The following CYRIB variants were observed in gnomAD, a reference collection of about 807,000 sequenced individuals.
CYRIB encodes the protein CYFIP-related Rac1 interactor B.
In CYRIB, 8 loss-of-function variants were observed where a neutral mutation model predicts 44.2. The observed-to-expected ratio is 0.18, with a 90% CI of 0.11 to 0.33. The LOEUF is 0.33. Among genes scored for constraint, CYRIB ranks in the 10% least tolerant of loss-of-function variants. The pLI is 1.00. For missense variants in CYRIB, 185 were observed against 382.8 expected (o/e 0.48, Z 4.31); for synonymous variants, 131 against 127.2 (o/e 1.03, Z -0.20).
At chr8:129,953,459 T>C (rs941341047) in intron 2 of CYRIB, among the ~76,000 whole-genome samples, 1 of 152,174 alleles carries the variant, frequency 6.6e-6, no homozygotes, top group African/African-American at 2.4e-5. Flanking sequence ...GCATTTGCCA[T>C]TTTGAGCAAA....
At chr8:129,865,092 A>G (rs904351581) in intron 4 of CYRIB, 2 of 154,976 alleles carry the variant, frequency 1.3e-5, no homozygotes, top group Admixed American at 6.5e-5. Context: ...AATATCTAAT[A>G]AACAATTTAG....
intron 1 of CYRIB, among the ~76,000 whole-genome samples, chr8:129,974,085 C>G (rs1010595134): frequency 6.6e-6 from 1 of 152,186 alleles, no homozygotes; most frequent in African/African-American, 2.4e-5. Context: ...CACAGGGCAG[C>G]CTGTCTGAGG....
chr8:129,942,324 C>T (rs1409759758), upstream of CYRIB, among the ~76,000 whole-genome samples: 5 of 152,048 alleles, frequency 3.3e-5, no homozygotes, highest in Non-Finnish European at 2.9e-5. Flanking sequence ...GGATGACGAG[C>T]GAAACACGTC....
intron 3 of CYRIB, among the ~76,000 whole-genome samples, chr8:129,876,282 GT>G (rs2059103251): frequency 6.6e-6 from 1 of 151,952 alleles, no homozygotes. Context: ...AGGTGAAAGG[GT>G]CACTTCAGCC....
chr8:129,924,789 G>A (rs2086449420), intron 1 of CYRIB, among the ~76,000 whole-genome samples: 1 of 151,738 alleles, frequency 6.6e-6, no homozygotes, highest in Admixed American at 6.6e-5. Flanking sequence ...AACATAGGGA[G>A]AACCCGTCTC....
intron 2 of CYRIB, among the ~76,000 whole-genome samples, chr8:129,884,760 T>C (rs532075225): frequency 6.6e-6 from 1 of 152,360 alleles, no homozygotes; most frequent in South Asian, 2.1e-4. Context: ...AACTAAATAT[T>C]GTATTTACTA....
At chr8:129,843,631 G>A (rs2037882646) in intron 11 of CYRIB, among the ~76,000 whole-genome samples, 1 of 152,116 alleles carries the variant, frequency 6.6e-6, no homozygotes, top group African/African-American at 2.4e-5. Flanking sequence ...TCAATTCCTG[G>A]GCTCAAGCAA....
intron 1 of CYRIB, among the ~76,000 whole-genome samples, chr8:129,913,128 C>T (rs1162930702): frequency 2.0e-5 from 3 of 152,026 alleles, no homozygotes; most frequent in African/African-American, 7.3e-5. Flanking sequence ...CCGGCCACCA[C>T]GCCCGGCTAA....
chr8:129,988,702 G>A (rs1337566688), intron 1 of CYRIB, among the ~76,000 whole-genome samples: 2 of 152,216 alleles, frequency 1.3e-5, no homozygotes, highest in Admixed American at 6.5e-5. Context: ...AATCCCCCAA[G>A]CTGTCTAACA....
intron 4 of CYRIB, chr8:129,864,702 G>T: frequency 3.4e-6 from 1 of 297,856 alleles, no homozygotes; most frequent in East Asian, 9.4e-5. Context: ...GCAATGTATG[G>T]GTAGCCTGTC....
At chr8:130,012,133 G>A (rs1286091619) in intron 1 of CYRIB, among the ~76,000 whole-genome samples, 1 of 151,636 alleles carries the variant, frequency 6.6e-6, no homozygotes, top group Admixed American at 6.6e-5. Flanking sequence ...CATCAACTTC[G>A]ATTATTTATA....
In CYRIB at chr8:129,938,121, TGA is replaced by T. The variant is rs528450429; in HGVS notation, c.-50+1485_-50+1486del. On this transcript the variant is annotated intron_variant, in intron 1 of 11. Transcript: ENST00000519824. The stretch of plus-strand genomic sequence containing the variant: ...CGTTATTATGGATATGAAAGTCACA[TGA>T]AAAAAAAAAGTGCTGTCATTTCATT... Among the ~76,000 whole-genome samples, 69 of 151,300 alleles carry T rather than the reference TGA, an allele frequency of 4.6e-4. No individual in the cohort carries two copies. In the South Asian group the frequency reaches 1.0e-2, roughly 22 times the overall value.
intron 1 of CYRIB, among the ~76,000 whole-genome samples, chr8:129,976,038 T>C (rs1313249798): frequency 2.6e-5 from 4 of 152,062 alleles, no homozygotes; most frequent in African/African-American, 7.2e-5. Context: ...AAATAGCAGA[T>C]GTAAAAGTCC....
At chr8:129,846,457 T>A (rs2040078091) in intron 11 of CYRIB, among the ~76,000 whole-genome samples, 1 of 152,234 alleles carries the variant, frequency 6.6e-6, no homozygotes, top group Non-Finnish European at 1.5e-5. Flanking sequence ...TATTTCTTTT[T>A]ATTTACATTT....
chr8:129,988,094 G>A (rs1564642992), intron 1 of CYRIB, among the ~76,000 whole-genome samples: 1 of 152,206 alleles, frequency 6.6e-6, no homozygotes, highest in South Asian at 2.1e-4. Context: ...GCGGGCTGAG[G>A]CCTAAAATGG....
At chr8:129,863,312 G>A (rs992073073) in intron 4 of CYRIB, among the ~76,000 whole-genome samples, 2 of 152,124 alleles carry the variant, frequency 1.3e-5, no homozygotes, top group Non-Finnish European at 2.9e-5. Flanking sequence ...GGATCACAAG[G>A]TCAGGAGTTC....
intron 7 of CYRIB, among the ~76,000 whole-genome samples, chr8:129,852,651 G>A (rs554103607): frequency 1.3e-5 from 2 of 152,286 alleles, no homozygotes; most frequent in East Asian, 1.9e-4. Context: ...AAGGGAGTCA[G>A]AGAACATTAA....
chr8:129,906,657 G>C (rs2075556769), intron 1 of CYRIB, among the ~76,000 whole-genome samples: 1 of 152,142 alleles, frequency 6.6e-6, no homozygotes, highest in Non-Finnish European at 1.5e-5. Context: ...CCATCAGAGT[G>C]AACAGGCAAC....
Position 130,003,303 on chromosome 8 carries a change from C to A in CYRIB, c.-296+13067G>T, listed in dbSNP as rs962709245. On this transcript the variant is annotated intron_variant, in intron 1 of 14. Transcript: ENST00000401979. The stretch of plus-strand genomic sequence containing the variant: ...TTTACTGTTTTTCTTAGGAAAGATT[C>A]CCAAAGTGGGTTCCCTGGGTCAAAG... Among the ~76,000 whole-genome samples the A allele has an allele frequency of 5.9e-5, 9 of 152,146 alleles. No individual in the cohort carries two copies. In the South Asian group the frequency reaches 1.9e-3, roughly 32 times the overall value.
Sources: allele counts gnomAD v4.1 joint callset (sites outside exome capture counted in the v4.1 genomes callset), GRCh38; gene constraint gnomAD v4.1.1; transcripts MANE v1.5; gene names NCBI Gene and HGNC (gene_info 2026-07-23, HGNC 2026-07-21).